CACNA2D3: variants seen among roughly 807,000 people sequenced by gnomAD.
The protein encoded by CACNA2D3 is voltage-dependent calcium channel subunit alpha-2/delta-3.
In CACNA2D3, 60 loss-of-function variants were observed where a neutral mutation model predicts 160.6. The ratio of observed to expected loss-of-function variants is 0.37; its 90% confidence interval spans 0.30 to 0.46. The LOEUF is 0.46. Among genes scored for constraint, CACNA2D3 ranks in the 20% least tolerant of loss-of-function variants. The pLI is 1.00. For synonymous variants in CACNA2D3, 558 were observed against 492.9 expected (o/e 1.13, Z -1.75); for missense variants, 1,205 against 1,365.0 (o/e 0.88, Z 1.85).
At chr3:54,288,824 C>T (rs1475527946) in intron 2 of CACNA2D3, among the ~76,000 whole-genome samples, 3 of 152,090 alleles carry the variant, frequency 2.0e-5, no homozygotes, top group African/African-American at 4.8e-5. Flanking sequence ...ACAAAAACCA[C>T]GTGATTATCT....
intron 27 of CACNA2D3, among the ~76,000 whole-genome samples, chr3:54,900,778 T>C (rs1284310838): frequency 6.6e-6 from 1 of 152,196 alleles, no homozygotes; most frequent in Non-Finnish European, 1.5e-5. Context: ...GGAAGGAGTA[T>C]AAATGGAGCA....
At chr3:54,810,211 C>T (rs970114472) in intron 13 of CACNA2D3, among the ~76,000 whole-genome samples, 3 of 152,076 alleles carry the variant, frequency 2.0e-5, no homozygotes, top group African/African-American at 7.2e-5. Context: ...CTGCCAAGTA[C>T]CAGGCTTATA....
chr3:54,768,489 A>G (rs2107107408), intron 13 of CACNA2D3, among the ~76,000 whole-genome samples: 1 of 152,324 alleles, frequency 6.6e-6, no homozygotes, highest in East Asian at 1.9e-4. Flanking sequence ...AGATATAGGA[A>G]GTTAGAGGGG....
chr3:54,516,064 T>C (rs1190371935), intron 5 of CACNA2D3, among the ~76,000 whole-genome samples: 7 of 152,158 alleles, frequency 4.6e-5, no homozygotes, highest in African/African-American at 1.4e-4. Flanking sequence ...ATCAGGGACA[T>C]GTGTCATTGG....
At chr3:54,693,739 C>A (rs1376375451) in intron 11 of CACNA2D3, among the ~76,000 whole-genome samples, 4 of 151,628 alleles carry the variant, frequency 2.6e-5, no homozygotes, top group African/African-American at 9.7e-5. Context: ...CTGTGTAGGT[C>A]TAGGCTAATG....
intron 13 of CACNA2D3, among the ~76,000 whole-genome samples, chr3:54,786,908 A>C (rs540599202): frequency 1.3e-5 from 2 of 152,346 alleles, no homozygotes; most frequent in East Asian, 3.9e-4. Context: ...GAATGAGTCC[A>C]TGAATGTATG....
intron 17 of CACNA2D3, among the ~76,000 whole-genome samples, chr3:54,867,799 T>C (rs1481107968): frequency 6.6e-6 from 1 of 152,222 alleles, no homozygotes; most frequent in Non-Finnish European, 1.5e-5. Context: ...AATCCAGGAA[T>C]GCATCCCAAA....
chr3:54,183,577 C>T (rs1489146599), intron 2 of CACNA2D3, among the ~76,000 whole-genome samples: 1 of 152,004 alleles, frequency 6.6e-6, no homozygotes, highest in Non-Finnish European at 1.5e-5. Flanking sequence ...TCTAGGTTCA[C>T]ATTTGCCTGA....
At chr3:54,234,178 A>T (rs4927994) in intron 2 of CACNA2D3, among the ~76,000 whole-genome samples, 1 of 151,940 alleles carries the variant, frequency 6.6e-6, no homozygotes, top group Non-Finnish European at 1.5e-5. Flanking sequence ...AAACTCCATT[A>T]AAAAGTGGCG....
chr3:54,650,143 T>G lies in CACNA2D3; in HGVS notation c.1167+7902T>G, dbSNP rs1041300011. Among the ~76,000 whole-genome samples, 5 of 152,332 alleles carry G rather than the reference T, an allele frequency of 3.3e-5. No individual in the cohort carries two copies. The East Asian group carries it at 9.6e-4, about 29-fold the overall frequency. On this transcript the variant is annotated intron_variant, in intron 11 of 37. Coordinates refer to ENST00000474759, the MANE Select transcript of CACNA2D3 (RefSeq NM_018398.3). ...TGAATTTTCCTCAGTGAGCTAATTT[T>G]TTTTTTTAGGGTGATATTTCAAACA...
chr3:54,156,189 G>A (rs948940783), intron 2 of CACNA2D3, among the ~76,000 whole-genome samples: 3 of 152,158 alleles, frequency 2.0e-5, no homozygotes, highest in Non-Finnish European at 2.9e-5. Flanking sequence ...GCAAACCTGC[G>A]AATCACCAGC....
chr3:55,041,455 C>G (rs1198262291), intron 35 of CACNA2D3, among the ~76,000 whole-genome samples: 1 of 152,146 alleles, frequency 6.6e-6, no homozygotes, highest in African/African-American at 2.4e-5. Context: ...TTTTTCCAAT[C>G]TACAGTAGAT....
intron 13 of CACNA2D3, among the ~76,000 whole-genome samples, chr3:54,809,390 C>G (rs1378397078): frequency 7.5e-6 from 1 of 133,998 alleles, no homozygotes; most frequent in Non-Finnish European, 1.5e-5. Context: ...GCAATCTCGG[C>G]TCACTGCAAG....
chr3:55,070,367 G>T (rs779186183), intron 35 of CACNA2D3, among the ~76,000 whole-genome samples: 24 of 152,176 alleles, frequency 1.6e-4, no homozygotes, highest in Non-Finnish European at 2.6e-4. Flanking sequence ...TTATTTTTAG[G>T]AGTTGTGCTA....
chr3:54,403,342 C>A (rs189762955), intron 4 of CACNA2D3, among the ~76,000 whole-genome samples: 1 of 145,014 alleles, frequency 6.9e-6, no homozygotes. Context: ...GTGACAGAGC[C>A]GGACCCTATC....
intron 11 of CACNA2D3, among the ~76,000 whole-genome samples, chr3:54,695,912 G>C (rs1423529660): frequency 6.6e-6 from 1 of 152,178 alleles, no homozygotes; most frequent in African/African-American, 2.4e-5. Context: ...ATGTTGTGAA[G>C]TCAGATGATC....
At chr3:55,037,816 C>T (rs1177309613) in intron 35 of CACNA2D3, among the ~76,000 whole-genome samples, 2 of 152,174 alleles carry the variant, frequency 1.3e-5, no homozygotes, top group Non-Finnish European at 2.9e-5. Context: ...AAAGCAAAAA[C>T]TGTAAGGTAC....
At chr3:54,417,976 C>G (rs527686916) in intron 4 of CACNA2D3, among the ~76,000 whole-genome samples, 2 of 152,242 alleles carry the variant, frequency 1.3e-5, no homozygotes, top group East Asian at 3.9e-4. Flanking sequence ...TAATAGGAGA[C>G]AGGGTTTTGT....
intron 2 of CACNA2D3, among the ~76,000 whole-genome samples, chr3:54,149,903 C>A (rs1022213809): frequency 1.2e-5 from 1 of 82,030 alleles, no homozygotes; most frequent in Non-Finnish European, 2.5e-5. Flanking sequence ...CTCTCTCTCT[C>A]TCTCTCTCTC....
Sources: allele counts gnomAD v4.1 joint callset (sites outside exome capture counted in the v4.1 genomes callset), GRCh38; gene constraint gnomAD v4.1.1; transcripts MANE v1.5; gene names NCBI Gene and HGNC (gene_info 2026-07-23, HGNC 2026-07-21).